Variants in DACH2 observed in about 807,000 individuals in gnomAD.
The protein encoded by DACH2 is dachshund homolog 2.
Under a neutral mutation model 35.8 loss-of-function variants are expected in DACH2, and 17 were observed. That is an observed-to-expected ratio of 0.48 (90% CI 0.33 to 0.71). The LOEUF is 0.71. DACH2 is among the 30% of genes least tolerant of loss of function. The probability of loss-of-function intolerance (pLI) is 0.02; values close to 1 mark genes in which losing one functional copy is unlikely to be tolerated. For synonymous variants in DACH2, 195 were observed against 177.3 expected, an observed-to-expected ratio of 1.10 and a Z score of -0.79; for missense variants, 469 against 472.7, an observed-to-expected ratio of 0.99 and a Z score of 0.07.
intron 2 of DACH2, among the ~76,000 whole-genome samples, chrX:86,401,843 AG>A (rs1185051148): frequency 1.8e-5 from 2 of 111,864 alleles, no homozygotes; most frequent in Non-Finnish European, 1.9e-5. Context: ...TACCACAATA[AG>A]GTAGGCTTTA....
intron 2 of DACH2, among the ~76,000 whole-genome samples, chrX:86,468,154 C>G (rs68061117): frequency 1.8e-5 from 2 of 110,568 alleles, no homozygotes; most frequent in Admixed American, 1.9e-4. Flanking sequence ...ATATTTTAAT[C>G]TAGAAATATA....
At chrX:86,745,126 C>T (rs893425561) in intron 7 of DACH2, among the ~76,000 whole-genome samples, 2 of 111,610 alleles carry the variant, frequency 1.8e-5, no homozygotes, top group Admixed American at 9.5e-5. Context: ...AATTCACCAT[C>T]CAGCCCAAGA....
At chrX:86,281,389 G>C (rs1355098530) in intron 1 of DACH2, among the ~76,000 whole-genome samples, 1 of 111,528 alleles carries the variant, frequency 9.0e-6, no homozygotes, top group African/African-American at 3.3e-5. Context: ...AACAGAACCA[G>C]TGACAAAAAC....
intron 2 of DACH2, among the ~76,000 whole-genome samples, chrX:86,477,184 C>G (rs1418560074): frequency 1.8e-5 from 2 of 108,713 alleles, no homozygotes; most frequent in Non-Finnish European, 3.8e-5. Flanking sequence ...CAGATTAAGT[C>G]TAATGATACT....
chrX:86,797,656 C>T (rs1176594351), intron 7 of DACH2, among the ~76,000 whole-genome samples: 1 of 111,508 alleles, frequency 9.0e-6, no homozygotes, highest in Non-Finnish European at 1.9e-5. Context: ...TTCTTTTTTT[C>T]ATATAAATAT....
chrX:86,653,692 G>T (rs1482259148), intron 4 of DACH2, among the ~76,000 whole-genome samples: 4 of 88,849 alleles, frequency 4.5e-5, no homozygotes, highest in Non-Finnish European at 6.4e-5. Flanking sequence ...TTGAGACGGA[G>T]TCTCACTCTA....
At chrX:86,603,501 T>C (rs1938883930) in intron 3 of DACH2, among the ~76,000 whole-genome samples, 1 of 110,459 alleles carries the variant, frequency 9.1e-6, no homozygotes, top group African/African-American at 3.3e-5. Context: ...CTCATAAAAA[T>C]CTCATCTAAA....
At chrX:86,674,542 C>A (rs916030267) in intron 4 of DACH2, among the ~76,000 whole-genome samples, 1 of 111,899 alleles carries the variant, frequency 8.9e-6, no homozygotes, top group African/African-American at 3.2e-5. Flanking sequence ...GAATCATATT[C>A]AATGGAAATT....
chrX:86,269,209 C>T (rs963917373), intron 1 of DACH2, among the ~76,000 whole-genome samples: 2 of 110,731 alleles, frequency 1.8e-5, no homozygotes, highest in African/African-American at 6.6e-5. Context: ...ATTTTTAAAT[C>T]CCACAACTAA....
rs144738251 is a variant in DACH2, at chrX:86,468,723, A to G, written c.528-45556A>G. ...AGTGAATCTTTTCAGCATATTAAAG[A>G]CTTGTATTCAAAGTTCAACAAAGCC... On this transcript the variant is annotated intron_variant, in intron 2 of 11. Transcript: ENST00000373125. Among the ~76,000 whole-genome samples the G allele has an allele frequency of 4.0e-3, 445 of 111,876 alleles. 3 individuals are homozygous for G. The highest frequency in any genetic ancestry group is 0.014 in the African/African-American group (423 of 30,857).
chrX:86,623,120 C>T (rs1569454515), intron 3 of DACH2, among the ~76,000 whole-genome samples: 2 of 111,948 alleles, frequency 1.8e-5, no homozygotes, highest in Non-Finnish European at 3.8e-5. Flanking sequence ...AAGACATAGT[C>T]AATGACCTAT....
At chrX:86,718,122 A>G (rs1359638129) in intron 6 of DACH2, among the ~76,000 whole-genome samples, 2 of 110,975 alleles carry the variant, frequency 1.8e-5, no homozygotes, top group East Asian at 2.8e-4. Flanking sequence ...ATTTTTACCA[A>G]CAGTGCATAA....
intron 3 of DACH2, among the ~76,000 whole-genome samples, chrX:86,551,113 A>G (rs1212995560): frequency 1.8e-5 from 2 of 112,032 alleles, no homozygotes; most frequent in Non-Finnish European, 1.9e-5. Context: ...AGTGTACATG[A>G]AACGGTAATC....
chrX:86,334,356 C>T (rs1487101249), intron 1 of DACH2, among the ~76,000 whole-genome samples: 1 of 112,242 alleles, frequency 8.9e-6, no homozygotes, highest in South Asian at 3.7e-4. Context: ...GATGGTTGAA[C>T]TAATTTACAC....
At chrX:86,548,428 G>A (rs2039004621) in intron 3 of DACH2, among the ~76,000 whole-genome samples, 1 of 111,805 alleles carries the variant, frequency 8.9e-6, no homozygotes, top group Non-Finnish European at 1.9e-5. Context: ...CAGAAAACGG[G>A]AAATTGATTA....
rs1421607414 is a variant in DACH2 at position 86,688,257 on chromosome X, C to A, written c.773-6764C>A. ...TTTATTCTCTTCTTTTTAAATTGTC[C>A]TTTCTGATACTCCATCTTCTTTATT... On this transcript the variant is annotated intron_variant, in intron 4 of 11. Transcript: ENST00000373125. 6.3e-5 allele frequency among the ~76,000 whole-genome samples: 7 copies of A among 111,372 alleles called. No homozygotes were observed. The Admixed American group carries it at 6.7e-4, about 11-fold the overall frequency.
chrX:86,613,788 A>G (rs1368442339), intron 3 of DACH2, among the ~76,000 whole-genome samples: 1 of 111,725 alleles, frequency 9.0e-6, no homozygotes, highest in African/African-American at 3.2e-5. Flanking sequence ...TCAATAATTC[A>G]GGATCTATGG....
At chrX:86,782,873 C>T (rs1332608818) in intron 7 of DACH2, among the ~76,000 whole-genome samples, 1 of 85,966 alleles carries the variant, frequency 1.2e-5, no homozygotes, top group African/African-American at 4.5e-5. Flanking sequence ...AGCAATACCC[C>T]ACAACCACAG....
At chrX:86,288,422 C>A (rs2034198590) in intron 1 of DACH2, among the ~76,000 whole-genome samples, 1 of 111,999 alleles carries the variant, frequency 8.9e-6, no homozygotes, top group Non-Finnish European at 1.9e-5. Flanking sequence ...TCCTGGGGCT[C>A]TACAATCAGC....
Sources: gnomAD v4.1 joint callset for allele counts (sites outside exome capture counted in the v4.1 genomes callset) on GRCh38, gnomAD v4.1.1 for gene constraint, MANE v1.5 for transcripts, NCBI Gene and HGNC (gene_info 2026-07-23, HGNC 2026-07-21) for gene names.